The following NAALADL2 variants were observed in gnomAD, a reference collection of about 807,000 sequenced individuals.
The protein encoded by NAALADL2 is N-acetylated alpha-linked acidic dipeptidase like 2.
A neutral mutation model predicts 87.2 loss-of-function variants in NAALADL2; 76 were observed. That is an observed-to-expected ratio of 0.87 (90% CI 0.72 to 1.05). The LOEUF (loss-of-function observed/expected upper bound fraction) is 1.05. NAALADL2 is among the 50% of genes least tolerant of loss of function. The pLI, the probability that NAALADL2 is intolerant of heterozygous loss-of-function variation, is 0.00. For synonymous variants in NAALADL2, 354 were observed against 331.0 expected, an observed-to-expected ratio of 1.07 and a Z score of -0.75; for missense variants, 1,089 against 945.8, an observed-to-expected ratio of 1.15 and a Z score of -1.99.
chr3:175,022,313 C>T (rs9878181), intron 1 of NAALADL2, among the ~76,000 whole-genome samples: 35,936 of 151,794 alleles, frequency 0.24, 4,615 homozygotes, highest in East Asian at 0.35. Flanking sequence ...GTAACTATTA[C>T]GGGATATTGC....
chr3:174,684,639 G>C (rs570135281), intron 2 of NAALADL2, among the ~76,000 whole-genome samples: 11 of 152,048 alleles, frequency 7.2e-5, no homozygotes, highest in Admixed American at 5.3e-4. Flanking sequence ...ACTTTTTCTA[G>C]GACTAATGTG....
At chr3:175,005,332 A>C (rs1748872721) in intron 1 of NAALADL2, among the ~76,000 whole-genome samples, 1 of 152,122 alleles carries the variant, frequency 6.6e-6, no homozygotes, top group African/African-American at 2.4e-5. Context: ...TGCAAACAGC[A>C]CCTCACTAAG....
At chr3:175,758,104 T>C (rs1319066866) in intron 13 of NAALADL2, among the ~76,000 whole-genome samples, 1 of 152,070 alleles carries the variant, frequency 6.6e-6, no homozygotes, top group Non-Finnish European at 1.5e-5. Flanking sequence ...CAATTTACTT[T>C]ATCATGCATT....
chr3:175,087,608 T>C (rs913918488), intron 1 of NAALADL2, among the ~76,000 whole-genome samples: 5 of 152,030 alleles, frequency 3.3e-5, no homozygotes, highest in Non-Finnish European at 5.9e-5. Context: ...ATAACCTTAC[T>C]CCCAACCCCG....
chr3:174,931,932 CT>C (rs542931505), intron 1 of NAALADL2, among the ~76,000 whole-genome samples: 1 of 152,162 alleles, frequency 6.6e-6, no homozygotes, highest in African/African-American at 2.4e-5. Context: ...TTTTAGATAT[CT>C]TTTCTCATGT....
At chr3:175,067,842 G>T (rs1370554722) in intron 1 of NAALADL2, among the ~76,000 whole-genome samples, 1 of 152,080 alleles carries the variant, frequency 6.6e-6, no homozygotes, top group African/African-American at 2.4e-5. Flanking sequence ...ATCCACCCAT[G>T]TGCCTATCAA....
At chr3:175,253,890 C>T (rs984774377) in intron 3 of NAALADL2, among the ~76,000 whole-genome samples, 1 of 152,108 alleles carries the variant, frequency 6.6e-6, no homozygotes, top group Non-Finnish European at 1.5e-5. Context: ...GTTGCAATGT[C>T]ATGATGAAAC....
At chr3:174,568,454 A>T (rs1002338384) in intron 2 of NAALADL2, among the ~76,000 whole-genome samples, 1 of 151,810 alleles carries the variant, frequency 6.6e-6, no homozygotes, top group Admixed American at 6.6e-5. Flanking sequence ...AAAGAGAATA[A>T]CACATACGTA....
At chr3:174,762,392 G>T (rs112202700) in intron 3 of NAALADL2, among the ~76,000 whole-genome samples, 2 of 133,402 alleles carry the variant, frequency 1.5e-5, no homozygotes, top group African/African-American at 5.7e-5. Context: ...TGACCTCGTG[G>T]TCCTCCCACC....
intron 2 of NAALADL2, among the ~76,000 whole-genome samples, chr3:174,624,527 G>A (rs1721361159): frequency 1.3e-5 from 2 of 151,978 alleles, no homozygotes; most frequent in Non-Finnish European, 2.9e-5. Context: ...GGGAGGCTGA[G>A]GCAGGAGAAT....
intron 13 of NAALADL2, among the ~76,000 whole-genome samples, chr3:175,780,112 CAA>C (rs397876700): frequency 1.3e-4 from 18 of 133,398 alleles, no homozygotes; most frequent in African/African-American, 3.8e-4. Context: ...ACTAAAAATA[CAA>C]AAAAAAAAAA....
chr3:175,403,757 A>C (rs1474278504), intron 5 of NAALADL2, among the ~76,000 whole-genome samples: 1 of 152,162 alleles, frequency 6.6e-6, no homozygotes, highest in Non-Finnish European at 1.5e-5. Flanking sequence ...ATTAGACATC[A>C]TTGACATTAC....
intron 11 of NAALADL2, among the ~76,000 whole-genome samples, chr3:175,656,829 A>AT (rs893359205): frequency 4.6e-5 from 7 of 151,880 alleles, no homozygotes; most frequent in African/African-American, 1.5e-4. Context: ...CTGAAAGCAA[A>AT]TTTTTTGCTG....
At chr3:174,723,413 T>C (rs1297336492) in intron 2 of NAALADL2, among the ~76,000 whole-genome samples, 1 of 152,152 alleles carries the variant, frequency 6.6e-6, no homozygotes, top group African/African-American at 2.4e-5. Flanking sequence ...ATTGTGACTG[T>C]TATTATTGAA....
At chr3:175,018,944 G>T (rs1003105476) in intron 1 of NAALADL2, among the ~76,000 whole-genome samples, 1 of 152,002 alleles carries the variant, frequency 6.6e-6, no homozygotes, top group East Asian at 1.9e-4. Context: ...AGTGTTCATA[G>T]TGAAGCATGT....
chr3:174,656,039 A>G (rs1013343289), intron 2 of NAALADL2, among the ~76,000 whole-genome samples: 2 of 152,338 alleles, frequency 1.3e-5, no homozygotes, highest in Middle Eastern at 6.8e-3. Context: ...ATATTTGTTT[A>G]AAATGTCTTC....
intron 2 of NAALADL2, among the ~76,000 whole-genome samples, chr3:174,734,950 CAG>C (rs1369020684): frequency 3.3e-5 from 5 of 152,096 alleles, no homozygotes; most frequent in Admixed American, 6.6e-5. Flanking sequence ...ACTAACTTAA[CAG>C]AGGGTAAGAA....
intron 10 of NAALADL2, among the ~76,000 whole-genome samples, chr3:175,585,044 G>T (rs1720341620): frequency 6.6e-6 from 1 of 151,610 alleles, no homozygotes; most frequent in African/African-American, 2.4e-5. Flanking sequence ...TGACCCTTTT[G>T]TAATAACATT....
chr3:174,954,571 T>G (rs1022903148), intron 1 of NAALADL2, among the ~76,000 whole-genome samples: 2 of 152,132 alleles, frequency 1.3e-5, no homozygotes, highest in Non-Finnish European at 2.9e-5. Context: ...ATATTGTATG[T>G]GTTTACAGTG....
Sources: gnomAD v4.1 joint callset for allele counts (sites outside exome capture counted in the v4.1 genomes callset) on GRCh38, gnomAD v4.1.1 for gene constraint, MANE v1.5 for transcripts, NCBI Gene and HGNC (gene_info 2026-07-23, HGNC 2026-07-21) for gene names.